The following OBI1 variants were observed in gnomAD, a reference collection of about 807,000 sequenced individuals.
OBI1 encodes ring finger protein 219.
OBI1 carries 59 observed loss-of-function variants against 62.4 expected under a neutral mutation model. That is an observed-to-expected ratio of 0.95 (90% CI 0.77 to 1.17). The LOEUF (loss-of-function observed/expected upper bound fraction) is 1.17, where lower values mean the gene tolerates loss of function less well. Among genes scored for constraint, OBI1 ranks in the 50% most tolerant of loss-of-function variants. The probability of loss-of-function intolerance (pLI) is 0.00; values close to 1 mark genes in which losing one functional copy is unlikely to be tolerated. For missense variants in OBI1, 875 were observed against 830.9 expected (o/e 1.05, Z -0.65); for synonymous variants, 302 against 292.8 (o/e 1.03, Z -0.32).
chr13:78,632,056 G>T (rs1392005563), intron 5 of OBI1, among the ~76,000 whole-genome samples: 1 of 152,056 alleles, frequency 6.6e-6, no homozygotes, highest in Non-Finnish European at 1.5e-5. Context: ...TTCTGTGATG[G>T]ACTGAGCCAT....
chr13:78,621,478 CCTT>C (rs1290528592), intron 5 of OBI1, among the ~76,000 whole-genome samples: 1 of 152,130 alleles, frequency 6.6e-6, no homozygotes, highest in African/African-American at 2.4e-5. Flanking sequence ...CTGGGCTGCT[CCTT>C]GTCTCCCAGT....
intron 2 of OBI1, 95 bp downstream of exon 2, chr13:78,644,767 C>A: frequency 1.5e-6 from 2 of 1,339,058 alleles, no homozygotes; most frequent in South Asian, 1.2e-5. Context: ...CAAATAGCAT[C>A]ACTGAAAATA....
At chr13:78,658,634 T>A (rs957332024) in intron 1 of OBI1, among the ~76,000 whole-genome samples, 6 of 152,192 alleles carry the variant, frequency 3.9e-5, no homozygotes, top group African/African-American at 1.4e-4. Flanking sequence ...TACAGAGGAC[T>A]AAGAAGCCCG....
chr13:78,628,334 C>A (rs1267689198), intron 5 of OBI1, among the ~76,000 whole-genome samples: 1 of 152,170 alleles, frequency 6.6e-6, no homozygotes, highest in Non-Finnish European at 1.5e-5. Context: ...TTCACAATCA[C>A]CATGCTCTAC....
chr13:78,652,100 G>A (rs1876561590), intron 1 of OBI1, among the ~76,000 whole-genome samples: 1 of 152,006 alleles, frequency 6.6e-6, no homozygotes. Flanking sequence ...TTGGATACCT[G>A]GTATTATCAC....
At chr13:78,653,926 T>C (rs943011636) in intron 1 of OBI1, among the ~76,000 whole-genome samples, 4 of 151,886 alleles carry the variant, frequency 2.6e-5, no homozygotes, top group African/African-American at 7.3e-5. Context: ...TACTTCAACA[T>C]TAGGAATTTG....
At chr13:78,630,962 A>T (rs1441598324) in intron 5 of OBI1, among the ~76,000 whole-genome samples, 1 of 152,134 alleles carries the variant, frequency 6.6e-6, no homozygotes, top group Non-Finnish European at 1.5e-5. Flanking sequence ...GCTGCCTCTA[A>T]AATATCTTTC....
chr13:78,616,121 T>C lies in OBI1; in HGVS notation c.1640A>G (p.Glu547Gly). The C allele has an allele frequency of 6.2e-7, 1 of 1,614,170 alleles. No homozygotes were observed. The change falls in exon 6 of 6, where the codon GAG becomes GGG. Residue 547 changes from glutamate (E) to glycine (G), a missense_variant. Glu to Gly is a moderately conservative substitution (Grantham distance 98, BLOSUM62 -2). Coordinates refer to ENST00000282003, the MANE Select transcript of OBI1 (RefSeq NM_024546.4). ...KISELDSMMS[E>G]SDNSKSPCNN... ...ACAAGGGCTCTTGCTGTTGTCTGACTCTGACATCATTGAATCCAACTCAGA... is the reference window on the plus strand; with the variant it reads ...ACAAGGGCTCTTGCTGTTGTCTGACCCTGACATCATTGAATCCAACTCAGA...
chr13:78,619,066 T>C (rs949794169), intron 5 of OBI1, among the ~76,000 whole-genome samples: 3 of 152,152 alleles, frequency 2.0e-5, no homozygotes, highest in African/African-American at 7.2e-5. Flanking sequence ...AAGATAAATT[T>C]CTTCAAGTAA....
chr13:78,617,149 C>A (rs752107483), intron 5 of OBI1, 27 bp from the exon 6 acceptor site: 4 of 1,499,466 alleles, frequency 2.7e-6, no homozygotes, highest in Non-Finnish European at 3.6e-6. Context: ...GATAGTTAAT[C>A]TTATAACTCA....
rs1876235511 is a variant in OBI1, at chr13:78,642,157, T to C, written c.265A>G (p.Lys89Glu). ...LSHTVRKHLR[K>E]TRLELLHKEY... is the part of the protein sequence containing the mutation. ...TTGTGTAGTAATTCAAGTCTAGTTT[T>C]CCGAAGATGCTTCCTGACCGTATGG... The change falls in exon 3 of 6, where the codon AAA becomes GAA. Residue 89 changes from lysine to glutamate, a missense_variant. Coordinates refer to ENST00000282003, the MANE Select transcript of OBI1 (RefSeq NM_024546.4). 1 of 1,610,144 alleles carries C rather than the reference T, an allele frequency of 6.2e-7. No individual in the cohort carries two copies. Among genetic ancestry groups the C allele is most frequent in the Non-Finnish European group, 8.5e-7 (1 of 1,176,618 alleles).
At chr13:78,653,586 G>A (rs566173424) in intron 1 of OBI1, among the ~76,000 whole-genome samples, 2 of 152,314 alleles carry the variant, frequency 1.3e-5, no homozygotes, top group African/African-American at 4.8e-5. Flanking sequence ...CCTTGGAGCA[G>A]GGTTAGTGAA....
chr13:78,650,350 G>C (rs1230403817), intron 1 of OBI1, among the ~76,000 whole-genome samples: 7 of 152,228 alleles, frequency 4.6e-5, no homozygotes, highest in African/African-American at 1.7e-4. Flanking sequence ...ATAGAAACAG[G>C]ATCAGAGAGT....
chr13:78,622,516 G>A (rs1185344352), intron 5 of OBI1, among the ~76,000 whole-genome samples: 2 of 152,182 alleles, frequency 1.3e-5, no homozygotes, highest in Non-Finnish European at 2.9e-5. Flanking sequence ...TTTTATTGTG[G>A]ACTTGCCTGT....
At chr13:78,623,902 G>A (rs1434575697) in intron 5 of OBI1, among the ~76,000 whole-genome samples, 1 of 152,126 alleles carries the variant, frequency 6.6e-6, no homozygotes, top group Non-Finnish European at 1.5e-5. Context: ...TTATTAAAGT[G>A]GCCTTGCATG....
intron 1 of OBI1, among the ~76,000 whole-genome samples, chr13:78,658,533 T>C (rs879380215): frequency 5.9e-5 from 9 of 152,064 alleles, no homozygotes; most frequent in Non-Finnish European, 1.3e-4. Flanking sequence ...AGAGCAAAGG[T>C]CATCCTCAAG....
intron 1 of OBI1, among the ~76,000 whole-genome samples, chr13:78,658,846 G>A (rs1173427947): frequency 1.3e-5 from 2 of 152,112 alleles, no homozygotes; most frequent in Non-Finnish European, 1.5e-5. Flanking sequence ...ACCCTCCTCC[G>A]AAAGGCGCCC....
At chr13:78,627,045 G>A (rs995990940) in intron 5 of OBI1, among the ~76,000 whole-genome samples, 3 of 152,104 alleles carry the variant, frequency 2.0e-5, no homozygotes, top group Admixed American at 6.5e-5. Flanking sequence ...CAGCCTGGGC[G>A]ACAGCACAGG....
chr13:78,633,111 A>G (rs1451826599), intron 5 of OBI1, among the ~76,000 whole-genome samples: 1 of 152,210 alleles, frequency 6.6e-6, no homozygotes, highest in African/African-American at 2.4e-5. Context: ...CGTTCCATTC[A>G]GCATGCTGTG....
Sources: gnomAD v4.1 joint callset for allele counts (sites outside exome capture counted in the v4.1 genomes callset) on GRCh38, gnomAD v4.1.1 for gene constraint, MANE v1.5 for transcripts, NCBI Gene and HGNC (gene_info 2026-07-23, HGNC 2026-07-21) for gene names.